LRRC4C: variants seen among roughly 807,000 people sequenced by gnomAD.
LRRC4C encodes the protein leucine-rich repeat-containing protein 4C.
In LRRC4C, 5 loss-of-function variants were observed where a neutral mutation model predicts 33.6. That is an observed-to-expected ratio of 0.15 (90% CI 0.08 to 0.31). LRRC4C has a LOEUF of 0.31. Ranked by LOEUF, LRRC4C falls within the 10% of genes least tolerant of loss-of-function variation. LRRC4C has a pLI of 1.00. For missense variants in LRRC4C, 560 were observed against 796.7 expected (o/e 0.70, Z 3.58); for synonymous variants, 329 against 302.0 (o/e 1.09, Z -0.93).
chr11:41,223,275 T>C (rs1441753127), intron 1 of LRRC4C, among the ~76,000 whole-genome samples: 1 of 152,144 alleles, frequency 6.6e-6, no homozygotes, highest in East Asian at 1.9e-4. Flanking sequence ...GGTTCTGAGT[T>C]TCAAATCAGA....
chr11:40,576,297 C>T (rs544932520), intron 3 of LRRC4C, among the ~76,000 whole-genome samples: 1 of 152,320 alleles, frequency 6.6e-6, no homozygotes, highest in South Asian at 2.1e-4. Flanking sequence ...ACTAAGCTGA[C>T]AGATGGATCT....
At chr11:40,984,933 G>A (rs1242561806) in intron 1 of LRRC4C, among the ~76,000 whole-genome samples, 1 of 62,008 alleles carries the variant, frequency 1.6e-5, no homozygotes, top group East Asian at 4.1e-4. Flanking sequence ...ACGCAATCTC[G>A]CTCTGTCACT....
intron 1 of LRRC4C, among the ~76,000 whole-genome samples, chr11:41,275,501 G>A (rs1457181190): frequency 1.3e-5 from 2 of 152,108 alleles, no homozygotes; most frequent in Admixed American, 1.3e-4. Flanking sequence ...TCTTTTTGTT[G>A]TTGTTGTTTA....
At position 41,188,683 on chromosome 11, in the gene LRRC4C, AG is replaced by A. The variant is rs528885269; in HGVS notation, c.-495-254961del. Among the ~76,000 whole-genome samples, 15 of 147,906 alleles carry A rather than the reference AG, an allele frequency of 1.0e-4. No homozygotes were observed. In the South Asian group the frequency reaches 3.4e-3, roughly 33 times the overall value. ...TCTCTTCTAAATGAAGGGGGAGCCT[AG>A]AAAGAGAGGAGAAAAAGAAGCAAAA... On this transcript the variant is annotated intron_variant, in intron 1 of 6. Coordinates refer to ENST00000528697, the MANE Select transcript of LRRC4C (RefSeq NM_001258419.2).
At chr11:41,244,464 G>A (rs952861336) in intron 1 of LRRC4C, among the ~76,000 whole-genome samples, 9 of 152,156 alleles carry the variant, frequency 5.9e-5, no homozygotes, top group Non-Finnish European at 1.2e-4. Flanking sequence ...GAAACAAAGA[G>A]TACATTGGAT....
intron 2 of LRRC4C, among the ~76,000 whole-genome samples, chr11:40,690,559 T>C (rs185482536): frequency 1.7e-4 from 26 of 152,196 alleles, no homozygotes; most frequent in African/African-American, 5.5e-4. Flanking sequence ...CCATTTTACA[T>C]TGGCATATTC....
intron 3 of LRRC4C, among the ~76,000 whole-genome samples, chr11:40,593,040 A>T (rs757327266): frequency 7.2e-5 from 11 of 152,212 alleles, no homozygotes; most frequent in Non-Finnish European, 1.0e-4. Context: ...ACTAATCAAT[A>T]CAAATTACAA....
At chr11:40,584,032 G>C (rs115206859) in intron 3 of LRRC4C, among the ~76,000 whole-genome samples, 2,464 of 151,046 alleles carry the variant, frequency 0.016, 89 homozygotes, top group African/African-American at 0.056. Flanking sequence ...GATCAGGGAC[G>C]GAAGAAACCA....
chr11:40,299,235 G>T (rs577397525), intron 4 of LRRC4C, among the ~76,000 whole-genome samples: 7 of 152,300 alleles, frequency 4.6e-5, no homozygotes, highest in African/African-American at 1.2e-4. Flanking sequence ...CATTATGGAA[G>T]TCATCACTAA....
intron 1 of LRRC4C, among the ~76,000 whole-genome samples, chr11:41,320,478 C>G (rs928255836): frequency 6.6e-6 from 1 of 152,188 alleles, no homozygotes; most frequent in Non-Finnish European, 1.5e-5. Flanking sequence ...AAATAGATGT[C>G]TATGGTGCAT....
At chr11:40,180,409 C>A (rs1417353415) in intron 5 of LRRC4C, among the ~76,000 whole-genome samples, 10 of 152,166 alleles carry the variant, frequency 6.6e-5, no homozygotes, top group Admixed American at 5.2e-4. Flanking sequence ...AAAACCCCTC[C>A]TACCCTATCC....
At chr11:40,536,985 A>G (rs2135355963) in intron 3 of LRRC4C, among the ~76,000 whole-genome samples, 1 of 152,310 alleles carries the variant, frequency 6.6e-6, no homozygotes, top group East Asian at 1.9e-4. Context: ...CTGCTCTAAC[A>G]TCAACAACTG....
chr11:40,250,959 T>C (rs1014733836), intron 4 of LRRC4C, among the ~76,000 whole-genome samples: 3 of 152,168 alleles, frequency 2.0e-5, no homozygotes, highest in Non-Finnish European at 2.9e-5. Flanking sequence ...GCTGTGGTTT[T>C]AATTAATCAA....
chr11:40,565,296 T>C (rs1271507637), intron 3 of LRRC4C, among the ~76,000 whole-genome samples: 1 of 152,038 alleles, frequency 6.6e-6, no homozygotes, highest in East Asian at 1.9e-4. Context: ...GCCCCTCAGG[T>C]CTCCCTTCAT....
At chr11:40,485,602 G>T (rs1283222902) in intron 3 of LRRC4C, among the ~76,000 whole-genome samples, 1 of 151,926 alleles carries the variant, frequency 6.6e-6, no homozygotes, top group Non-Finnish European at 1.5e-5. Flanking sequence ...ACTTTTCAAA[G>T]TGATCTGACA....
At chr11:40,213,318 A>G (rs773593900) in intron 5 of LRRC4C, among the ~76,000 whole-genome samples, 1 of 152,184 alleles carries the variant, frequency 6.6e-6, no homozygotes, top group Non-Finnish European at 1.5e-5. Context: ...AAGGAATGGT[A>G]TTTGGCTAAC....
intron 2 of LRRC4C, among the ~76,000 whole-genome samples, chr11:40,711,130 C>T (rs1182104693): frequency 6.6e-6 from 1 of 152,192 alleles, no homozygotes; most frequent in Admixed American, 6.5e-5. Flanking sequence ...AGGGAAATCC[C>T]CCGACCCCTT....
At chr11:41,203,382 G>A (rs1443109632) in intron 1 of LRRC4C, among the ~76,000 whole-genome samples, 1 of 152,152 alleles carries the variant, frequency 6.6e-6, no homozygotes, top group Non-Finnish European at 1.5e-5. Flanking sequence ...TCAAATACTG[G>A]ACCGTTTTAA....
At chr11:40,488,437 C>A (rs1307032938) in intron 3 of LRRC4C, among the ~76,000 whole-genome samples, 1 of 152,058 alleles carries the variant, frequency 6.6e-6, no homozygotes, top group Non-Finnish European at 1.5e-5. Flanking sequence ...GAAATAGAGT[C>A]TTTTTTATCA....
Sources: allele counts gnomAD v4.1 joint callset (sites outside exome capture counted in the v4.1 genomes callset), GRCh38; gene constraint gnomAD v4.1.1; transcripts MANE v1.5; gene names NCBI Gene and HGNC (gene_info 2026-07-23, HGNC 2026-07-21).